The following RAB11FIP4 variants were observed in gnomAD, a reference collection of about 807,000 sequenced individuals.
The protein encoded by RAB11FIP4 is rab11 family-interacting protein 4.
Under a neutral mutation model 74.3 loss-of-function variants are expected in RAB11FIP4, and 23 were observed. The ratio of observed to expected loss-of-function variants is 0.31; its 90% confidence interval spans 0.22 to 0.44. RAB11FIP4 has a LOEUF of 0.44. Ranked by LOEUF, RAB11FIP4 falls within the 20% of genes least tolerant of loss-of-function variation. RAB11FIP4 has a pLI of 1.00. For missense variants in RAB11FIP4, 630 were observed against 863.9 expected (o/e 0.73, Z 3.39); for synonymous variants, 360 against 359.9 (o/e 1.00, Z 0.00).
intron 1 of RAB11FIP4, among the ~76,000 whole-genome samples, chr17:31,420,850 G>A (rs888702549): frequency 3.9e-5 from 6 of 152,034 alleles, no homozygotes; most frequent in Non-Finnish European, 5.9e-5. Context: ...TTGGGAGGCC[G>A]AAGGGGGTGG....
chr17:31,445,397 T>C (rs1056974461), intron 3 of RAB11FIP4, among the ~76,000 whole-genome samples: 3 of 151,578 alleles, frequency 2.0e-5, no homozygotes, highest in African/African-American at 7.3e-5. Context: ...ACATGACACT[T>C]CATCCTTAAA....
chr17:31,472,997 C>T (rs373706516), intron 3 of RAB11FIP4, among the ~76,000 whole-genome samples: 10 of 151,792 alleles, frequency 6.6e-5, no homozygotes, highest in African/African-American at 1.7e-4. Context: ...TATGCCACTA[C>T]ACTCCAGCCT....
intron 3 of RAB11FIP4, among the ~76,000 whole-genome samples, chr17:31,513,454 C>T (rs935116141): frequency 2.6e-5 from 4 of 152,118 alleles, no homozygotes; most frequent in Non-Finnish European, 4.4e-5. Flanking sequence ...TCCAGGCCGG[C>T]GGGAGAAGGA....
Position 31,527,717 on chromosome 17 carries a change from T to A in RAB11FIP4, c.1275-125T>A, listed in dbSNP as rs901308417. On this transcript the variant is annotated intron_variant, in intron 10 of 14. Transcript: ENST00000621161. The stretch of plus-strand genomic sequence containing the variant: ...TGTCTTTGACATAATAATCATATTC[T>A]TTCTCTCAGTTGGTTTCTGGTATCT... The A allele has an allele frequency of 1.3e-4, 86 of 666,504 alleles. No homozygotes were observed. In the Admixed American group the frequency reaches 1.5e-3, roughly 12 times the overall value. The allele number at this position is 666,504 out of a possible 1,614,324, so 41.3% of individuals were successfully genotyped here. A position where few individuals can be genotyped will look rare whatever the true frequency, so the allele number is the denominator to read the frequency against.
chr17:31,432,239 G>A (rs536821328), intron 2 of RAB11FIP4, among the ~76,000 whole-genome samples: 8 of 152,222 alleles, frequency 5.3e-5, no homozygotes, highest in East Asian at 1.9e-4. Flanking sequence ...GGATGTGGGA[G>A]GGACTCCACT....
At chr17:31,437,223 C>T (rs1194308351) in intron 3 of RAB11FIP4, among the ~76,000 whole-genome samples, 1 of 152,150 alleles carries the variant, frequency 6.6e-6, no homozygotes, top group Non-Finnish European at 1.5e-5. Flanking sequence ...CCATTCCCTA[C>T]CATGGGCTTC....
rs2142843278 is a variant in RAB11FIP4, at chr17:31,535,723, T to A, written c.*3991T>A. On this transcript the variant is annotated 3_prime_UTR_variant, in exon 15 of 15. Coordinates refer to ENST00000621161, the MANE Select transcript of RAB11FIP4 (RefSeq NM_032932.6). ...GTGGGTGGGCAGGACCTTGGCCTGG[T>A]GCCCCTGGAATCAGTGGGTGGCATG... The A allele has an allele frequency of 6.6e-6, 1 of 152,464 alleles. No homozygotes were observed. Among genetic ancestry groups the A allele is most frequent in the East Asian group, 1.9e-4 (1 of 5,186 alleles). The allele number at this position is 152,464 out of a possible 1,614,324, so 9.4% of individuals were successfully genotyped here. A position where few individuals can be genotyped will look rare whatever the true frequency, so the allele number is the denominator to read the frequency against.
chr17:31,523,462 CT>C, intron 7 of RAB11FIP4, 49 bp from the exon 8 acceptor site: 1 of 1,463,818 alleles, frequency 6.8e-7, no homozygotes, highest in Non-Finnish European at 9.6e-7. Context: ...GAGTAGGCCC[CT>C]GTCTCTGGAA....
At chr17:31,395,469 C>T (rs905423170) in intron 1 of RAB11FIP4, among the ~76,000 whole-genome samples, 5 of 152,222 alleles carry the variant, frequency 3.3e-5, no homozygotes, top group South Asian at 4.1e-4. Flanking sequence ...AGGACAACAT[C>T]GATAGTGACA....
intron 3 of RAB11FIP4, among the ~76,000 whole-genome samples, chr17:31,435,899 G>A (rs1015605315): frequency 6.6e-6 from 1 of 152,248 alleles, no homozygotes; most frequent in African/African-American, 2.4e-5. Flanking sequence ...GAGATAGCTG[G>A]GCCCCAGGCC....
intron 1 of RAB11FIP4, among the ~76,000 whole-genome samples, chr17:31,429,273 A>G (rs1217742554): frequency 1.3e-5 from 2 of 152,340 alleles, no homozygotes; most frequent in East Asian, 1.9e-4. Flanking sequence ...ACATACAACT[A>G]CATGAAAGAG....
rs899361574 is a variant in RAB11FIP4 at position 31,536,036 on chromosome 17, T to TTG, written c.*4305_*4306dup. On this transcript the variant is annotated 3_prime_UTR_variant, in exon 15 of 15. Transcript: ENST00000621161. The stretch of plus-strand genomic sequence containing the variant: ...CCACTGGTGCTGGTGTTCAGGGGAG[T>TTG]TGGGGGGGGGGGGCGCGGGGACAGA... 1.1e-4 allele frequency: 4 copies of TTG among 36,542 alleles called. No individual in the cohort carries two copies. Among genetic ancestry groups the TTG allele is most frequent in the African/African-American group, 3.6e-4 (2 of 5,566 alleles). The allele number at this position is 36,542 out of a possible 1,614,324, so 2.3% of individuals were successfully genotyped here.
At chr17:31,445,381 T>C (rs185333425) in intron 3 of RAB11FIP4, among the ~76,000 whole-genome samples, 1 of 151,686 alleles carries the variant, frequency 6.6e-6, no homozygotes, top group African/African-American at 2.4e-5. Flanking sequence ...TGAAAGTTAG[T>C]TGCGGACATG....
At position 31,410,585 on chromosome 17, in the gene RAB11FIP4, G is replaced by A. The variant is rs143295168; in HGVS notation, c.159+18574G>A. On this transcript the variant is annotated intron_variant, in intron 1 of 14. Transcript: ENST00000621161. ...AGAAATTGGCCAGGCATGGTGGTGC[G>A]CACCTGTAGTCCCAGCACTGCACCG... 8.4e-3 allele frequency among the ~76,000 whole-genome samples: 1,280 copies of A among 152,008 alleles called. 12 individuals are homozygous for A. The highest frequency in any genetic ancestry group is 0.029 in the African/African-American group (1,209 of 41,388).
At chr17:31,490,103 C>T (rs1325070581) in intron 3 of RAB11FIP4, among the ~76,000 whole-genome samples, 1 of 152,116 alleles carries the variant, frequency 6.6e-6, no homozygotes, top group Non-Finnish European at 1.5e-5. Context: ...CAGGGGCAGC[C>T]TGCACTCGGA....
chr17:31,470,672 C>G (rs1277919572), intron 3 of RAB11FIP4, among the ~76,000 whole-genome samples: 1 of 152,260 alleles, frequency 6.6e-6, no homozygotes, highest in Non-Finnish European at 1.5e-5. Flanking sequence ...GCCACCCACT[C>G]TGCTAGGTGC....
At chr17:31,490,450 A>G (rs774207009) in intron 3 of RAB11FIP4, among the ~76,000 whole-genome samples, 13 of 152,164 alleles carry the variant, frequency 8.5e-5, no homozygotes, top group South Asian at 2.1e-4. Flanking sequence ...GAGGCTCCCA[A>G]TGAAATAGCA....
intron 3 of RAB11FIP4, among the ~76,000 whole-genome samples, chr17:31,459,925 G>C (rs1302623314): frequency 1.3e-5 from 2 of 151,996 alleles, no homozygotes; most frequent in East Asian, 3.9e-4. Context: ...ACTGGCTCAG[G>C]ACAGAAGTAC....
intron 1 of RAB11FIP4, among the ~76,000 whole-genome samples, chr17:31,416,365 G>C (rs1330912330): frequency 6.6e-6 from 1 of 152,190 alleles, no homozygotes; most frequent in African/African-American, 2.4e-5. Context: ...ACAGTGGGAT[G>C]TTTTGGCCTG....
Sources: allele counts gnomAD v4.1 joint callset (sites outside exome capture counted in the v4.1 genomes callset), GRCh38; gene constraint gnomAD v4.1.1; transcripts MANE v1.5; gene names NCBI Gene and HGNC (gene_info 2026-07-23, HGNC 2026-07-21).